SUCLG2: variants seen among roughly 807,000 people sequenced by gnomAD.
SUCLG2 encodes the protein succinate--CoA ligase [GDP-forming] subunit beta, mitochondrial.
Under a neutral mutation model 47.9 loss-of-function variants are expected in SUCLG2, and 42 were observed. The observed-to-expected ratio is 0.88, with a 90% CI of 0.69 to 1.14. SUCLG2 has a LOEUF of 1.14. SUCLG2 is among the 50% of genes most tolerant of loss of function. The probability of loss-of-function intolerance (pLI) is 0.00; values close to 1 mark genes in which losing one functional copy is unlikely to be tolerated. For synonymous variants in SUCLG2, 195 were observed against 197.3 expected, an observed-to-expected ratio of 0.99 and a Z score of 0.10; for missense variants, 571 against 525.9, an observed-to-expected ratio of 1.09 and a Z score of -0.84.
chr3:67,513,209 A>C (rs1705846020), intron 6 of SUCLG2, among the ~76,000 whole-genome samples: 1 of 152,176 alleles, frequency 6.6e-6, no homozygotes, highest in African/African-American at 2.4e-5. Context: ...GTAAAGTTCC[A>C]TTATAGTATA....
intron 9 of SUCLG2, among the ~76,000 whole-genome samples, chr3:67,430,638 C>T (rs1257242134): frequency 6.6e-6 from 1 of 151,962 alleles, no homozygotes; most frequent in African/African-American, 2.4e-5. Flanking sequence ...ACAAAAAACC[C>T]TTCAAAAAAT....
At chr3:67,371,948 G>A (rs982075841), downstream of SUCLG2, among the ~76,000 whole-genome samples, 13 of 152,120 alleles carry the variant, frequency 8.5e-5, no homozygotes, top group Admixed American at 3.9e-4. Flanking sequence ...GATTAATTAG[G>A]ATAGCACAGG....
chr3:67,575,644 T>C (rs1181461827), intron 2 of SUCLG2, among the ~76,000 whole-genome samples: 4 of 152,198 alleles, frequency 2.6e-5, no homozygotes, highest in African/African-American at 9.6e-5. Flanking sequence ...CACTGAATTA[T>C]ACACTTGAAA....
intron 9 of SUCLG2, among the ~76,000 whole-genome samples, chr3:67,439,990 G>C (rs991591280): frequency 1.3e-5 from 2 of 152,106 alleles, no homozygotes; most frequent in Non-Finnish European, 2.9e-5. Context: ...ATGCTACAAG[G>C]CTACAGTAAC....
At chr3:67,541,995 A>G (rs573293590) in intron 2 of SUCLG2, among the ~76,000 whole-genome samples, 86 of 151,992 alleles carry the variant, frequency 5.7e-4, no homozygotes, top group African/African-American at 2.0e-3. Flanking sequence ...CAGCCTCCCA[A>G]GTAGCTGAGC....
intron 10 of SUCLG2, among the ~76,000 whole-genome samples, chr3:67,393,548 C>G (rs1488699375): frequency 6.6e-6 from 1 of 152,230 alleles, no homozygotes; most frequent in East Asian, 1.9e-4. Context: ...CCCACCACAG[C>G]TCAAGGAGGC....
At chr3:67,388,133 G>GTCCA (rs1702299979) in intron 10 of SUCLG2, among the ~76,000 whole-genome samples, 1 of 152,174 alleles carries the variant, frequency 6.6e-6, no homozygotes, top group Non-Finnish European at 1.5e-5. Flanking sequence ...ACTTCACAAT[G>GTCCA]TCCACTGTAT....
Position 67,529,312 on chromosome 3 carries a change from T to G in SUCLG2, c.227-126A>C, listed in dbSNP as rs1205745721. ...GGTAAAAGCTCTCTCAAACTAACTTTGAAAATAAATGCAATGAAGAACTTC... is the reference window on the plus strand; with the variant it reads ...GGTAAAAGCTCTCTCAAACTAACTTGGAAAATAAATGCAATGAAGAACTTC... On this transcript the variant is annotated intron_variant, in intron 2 of 10. Transcript: ENST00000307227. The G allele has an allele frequency of 6.0e-6, 4 of 663,968 alleles. No individual in the cohort carries two copies. The African/African-American group carries it at 7.3e-5, about 12-fold the overall frequency. 41.1% of individuals were successfully genotyped at this position (663,968 alleles called of 1,614,324 possible). A position where few individuals can be genotyped will look rare whatever the true frequency, so the allele number is the denominator to read the frequency against.
At chr3:67,516,872 T>C (rs1575748739) in intron 6 of SUCLG2, among the ~76,000 whole-genome samples, 1 of 152,304 alleles carries the variant, frequency 6.6e-6, no homozygotes, top group Non-Finnish European at 1.5e-5. Flanking sequence ...GAAAACGGGC[T>C]CTTGGTGACC....
intron 7 of SUCLG2, among the ~76,000 whole-genome samples, chr3:67,504,597 G>A (rs1320782531): frequency 1.3e-5 from 2 of 152,226 alleles, no homozygotes; most frequent in East Asian, 1.9e-4. Context: ...GGGTGAGGTC[G>A]TTCTCTGTGA....
intron 2 of SUCLG2, among the ~76,000 whole-genome samples, chr3:67,532,024 A>T (rs1381071288): frequency 6.6e-6 from 1 of 152,238 alleles, no homozygotes; most frequent in Non-Finnish European, 1.5e-5. Flanking sequence ...AAGAAAAAAA[A>T]ATCCCATATA....
At chr3:67,551,614 G>C (rs1707016891) in intron 2 of SUCLG2, among the ~76,000 whole-genome samples, 1 of 152,202 alleles carries the variant, frequency 6.6e-6, no homozygotes, top group African/African-American at 2.4e-5. Flanking sequence ...GGGAAAATGA[G>C]CTGGGAAGCA....
intron 1 of SUCLG2, among the ~76,000 whole-genome samples, chr3:67,626,356 TC>T (rs1291144102): frequency 1.3e-5 from 2 of 151,218 alleles, no homozygotes; most frequent in Non-Finnish European, 2.9e-5. Context: ...CGGGCAACCA[TC>T]AAAATGATCA....
At chr3:67,372,670 G>T (rs1701970457), downstream of SUCLG2, among the ~76,000 whole-genome samples, 1 of 152,164 alleles carries the variant, frequency 6.6e-6, no homozygotes, top group African/African-American at 2.4e-5. Flanking sequence ...GTGGCCTTTT[G>T]TAGACTTTTT....
chr3:67,648,561 T>C (rs1387334304), intron 1 of SUCLG2, among the ~76,000 whole-genome samples: 2 of 152,212 alleles, frequency 1.3e-5, no homozygotes, highest in East Asian at 1.9e-4. Flanking sequence ...CAAATGACTA[T>C]AGGGCCTCTC....
At chr3:67,563,494 C>T (rs748469007) in intron 2 of SUCLG2, among the ~76,000 whole-genome samples, 1 of 152,040 alleles carries the variant, frequency 6.6e-6, no homozygotes, top group African/African-American at 2.4e-5. Context: ...CACCATGAAG[C>T]GTTTGAAAAG....
intron 1 of SUCLG2, among the ~76,000 whole-genome samples, chr3:67,649,125 A>G (rs1701242097): frequency 6.6e-6 from 1 of 152,256 alleles, no homozygotes; most frequent in African/African-American, 2.4e-5. Context: ...TGAATCAGAA[A>G]GCTGATGAAG....
intron 6 of SUCLG2, among the ~76,000 whole-genome samples, chr3:67,511,632 A>AT (rs1705792739): frequency 6.6e-6 from 1 of 152,176 alleles, no homozygotes; most frequent in South Asian, 2.1e-4. Context: ...TCCTTCATAA[A>AT]TTATCCAGTC....
intron 2 of SUCLG2, among the ~76,000 whole-genome samples, 175 bp from the exon 3 acceptor site, chr3:67,529,361 T>G (rs1467569967): frequency 8.5e-5 from 13 of 152,202 alleles, no homozygotes. Context: ...TGAGCCTAAA[T>G]ACAAAGCTTG....
Sources: gnomAD v4.1 joint callset for allele counts (sites outside exome capture counted in the v4.1 genomes callset) on GRCh38, gnomAD v4.1.1 for gene constraint, MANE v1.5 for transcripts, NCBI Gene and HGNC (gene_info 2026-07-23, HGNC 2026-07-21) for gene names.